Variants in LMNA observed in about 807,000 individuals in gnomAD.
LMNA encodes lamin.
A neutral mutation model predicts 70.4 loss-of-function variants in LMNA; 20 were observed. The ratio of observed to expected loss-of-function variants is 0.28; its 90% CI spans 0.20 to 0.41. The LOEUF (loss-of-function observed/expected upper bound fraction) is 0.41, where lower values mean the gene tolerates loss of function less well. Ranked by LOEUF, LMNA falls within the 10% of genes least tolerant of loss-of-function variation. The probability of loss-of-function intolerance (pLI) is 1.00; values close to 1 mark genes in which losing one functional copy is unlikely to be tolerated. For synonymous variants in LMNA, 339 were observed against 372.8 expected (o/e 0.91, Z 1.04); for missense variants, 652 against 917.2 (o/e 0.71, Z 3.73).
upstream of LMNA, chr1:156,114,679 T>C: frequency 2.5e-6 from 1 of 406,500 alleles, no homozygotes; most frequent in Non-Finnish European, 4.4e-6. Flanking sequence ...GAGGAGGACC[T>C]ATTAGAGCCT....
chr1:156,084,772 C>G (rs536649035), intron 2 of LMNA, among the ~76,000 whole-genome samples: 1 of 152,350 alleles, frequency 6.6e-6, no homozygotes, highest in African/African-American at 2.4e-5. Context: ...GCTGGCTGAG[C>G]CTTCCTGTCC....
chr1:156,134,565 TGG>T lies in LMNA; in HGVS notation c.639+39_639+40del, dbSNP rs779105198. The T allele has an allele frequency of 6.2e-7, 1 of 1,612,808 alleles. No homozygotes were observed. Among genetic ancestry groups the T allele is most frequent in the Admixed American group, 1.7e-5 (1 of 60,016 alleles). On this transcript the variant is annotated intron_variant, in intron 3 of 11. Transcript: ENST00000368300. The surrounding 1 kb of genome is among the most constrained non-coding windows in gnomAD (Gnocchi z 5.3). ...GCTTTGCAAGCCAGAGGGCTGGGGC[TGG>T]GTGATGACAGACTTGGGCTGGGCTA...
chr1:156,088,991 A>G (rs1445170736), intron 2 of LMNA, among the ~76,000 whole-genome samples: 3 of 152,032 alleles, frequency 2.0e-5, no homozygotes, highest in Non-Finnish European at 4.4e-5. Context: ...TTGTTTGTTT[A>G]TTTTGAGCCA....
upstream of LMNA, among the ~76,000 whole-genome samples, chr1:156,111,590 T>G (rs1418399574): frequency 1.3e-5 from 2 of 152,230 alleles, no homozygotes; most frequent in African/African-American, 4.8e-5. Context: ...TGCTCTTTAA[T>G]CATTTGTGCT....
chr1:156,104,646 A>G (rs1649258951), intron 3 of LMNA, among the ~76,000 whole-genome samples: 1 of 151,676 alleles, frequency 6.6e-6, no homozygotes, highest in African/African-American at 2.4e-5. Context: ...CCCACCCCCT[A>G]AGCCACACAG....
At chr1:156,116,319 A>G (rs1649823889) in intron 1 of LMNA, among the ~76,000 whole-genome samples, 1 of 152,008 alleles carries the variant, frequency 6.6e-6, no homozygotes, top group African/African-American at 2.4e-5. Flanking sequence ...GGCCACTCCC[A>G]CTTTACCCAC....
At chr1:156,113,774 T>G (rs1411741772), upstream of LMNA, among the ~76,000 whole-genome samples, 1 of 152,186 alleles carries the variant, frequency 6.6e-6, no homozygotes, top group Non-Finnish European at 1.5e-5. Flanking sequence ...AATGAATGCA[T>G]GCACAGCTCT....
rs748768783 is a variant in LMNA at position 156,137,704 on chromosome 1, C to A, written c.1659C>A (p.Asp553Glu). 1 of 1,555,726 alleles carries A rather than the reference C, an allele frequency of 6.4e-7. No homozygotes were observed. The highest frequency in any genetic ancestry group is 1.4e-5 in the African/African-American group (1 of 73,704). The part of the protein sequence containing the change: ...LVRSVTVVED[D>E]EDEDGDDLLH... ...GCTCAGTGACTGTGGTTGAGGACGA[C>A]GAGGATGAGGATGGAGATGACCTGC... Residue 553 changes from aspartate (D) to glutamate (E), a missense_variant, in exon 10 of 12, where the codon GAC (aspartate) becomes GAA (glutamate). Around this residue, in one of 4 missense-constraint regions of LMNA, gnomAD observed 327 missense variants for 387.6 expected, o/e 0.84. Transcript: ENST00000368300. The surrounding 1 kb of genome is among the most constrained non-coding windows in gnomAD (Gnocchi z 4.6).
At chr1:156,082,659 T>C (rs1648300791) in exon 1 of LMNA, 1 of 152,146 alleles carries the variant, frequency 6.6e-6, no homozygotes, top group Non-Finnish European at 1.5e-5. Flanking sequence ...GGGATGGAAG[T>C]CGAGGTCCCT....
chr1:156,087,403 C>T (rs1337669671), intron 2 of LMNA, among the ~76,000 whole-genome samples: 8 of 151,880 alleles, frequency 5.3e-5, no homozygotes, highest in African/African-American at 7.3e-5. Flanking sequence ...CCACCACGCC[C>T]GGCTAATTTT....
In LMNA at chr1:156,138,952, G is replaced by A; in HGVS notation, c.1969-128G>A. 7.7e-7 allele frequency: 1 copy of A among 1,297,838 alleles called. No individual in the cohort carries two copies. Among genetic ancestry groups the A allele is most frequent in the Non-Finnish European group, 1.1e-6 (1 of 898,736 alleles). The allele number at this position is 1,297,838 out of a possible 1,614,324, so 80.4% of individuals were successfully genotyped here. A position where few individuals can be genotyped will look rare whatever the true frequency, so the allele number is the denominator to read the frequency against. The stretch of plus-strand genomic sequence containing the variant: ...GCCCCTCTTGTCTGAGCCCCAGACT[G>A]GAGGGCAGGGGCAGGGCTGGAGTGT... On this transcript the variant is annotated intron_variant, in intron 11 of 11. Transcript: ENST00000368300. This position sits in a 1 kb window ranked among gnomAD's most constrained non-coding sequence, Gnocchi z 5.5.
rs781763410 is a variant in LMNA at position 156,137,226 on chromosome 1, T to C, written c.1602T>C (p.Thr534=). The C allele has an allele frequency of 1.9e-6, 3 of 1,583,238 alleles. No homozygotes were observed. The South Asian group carries it at 3.4e-5, about 18-fold the overall frequency. ...TGCGTACGGCTCTCATCAACTCCACTGGGGAAGTAAGTAGGCCTGGGCCTG... is the reference window on the plus strand; with the variant it reads ...TGCGTACGGCTCTCATCAACTCCACCGGGGAAGTAAGTAGGCCTGGGCCTG... ...NSLRTALINS[T]GEEVAMRKLV... The change falls in exon 9 of 12, where the codon ACT becomes ACC. Residue 534 remains threonine (T), a synonymous_variant. Coordinates refer to ENST00000368300, the MANE Select transcript of LMNA (RefSeq NM_170707.4). The surrounding 1 kb of genome is among the most constrained non-coding windows in gnomAD (Gnocchi z 4.6).
chr1:156,136,270 A>G lies in LMNA; in HGVS notation c.1214A>G (p.His405Arg), dbSNP rs758278487. The change falls in exon 7 of 12, where the codon CAC (histidine) becomes CGC (arginine). Residue 405 changes from histidine (H) to arginine (R), a missense_variant. Physicochemically the swap from His to Arg is conservative, Grantham distance 29. Transcript: ENST00000368300. The surrounding 1 kb of genome is among the most constrained non-coding windows in gnomAD (Gnocchi z 6.1). ...SQRSRGRASS[H>R]SSQTQGGGSV... ...CGCAGCCGTGGCCGTGCTTCCTCTC[A>G]CTCATCCCAGACACAGGGTGGGGGC... 1 of 1,611,810 alleles carries G rather than the reference A, an allele frequency of 6.2e-7. No homozygotes were observed.
upstream of LMNA, among the ~76,000 whole-genome samples, chr1:156,113,555 A>C (rs1649620034): frequency 6.6e-6 from 1 of 152,130 alleles, no homozygotes; most frequent in Admixed American, 6.5e-5. Context: ...AGGAAAGTAG[A>C]GATGAGTATG....
rs1165668449 is a variant in LMNA at position 156,100,715 on chromosome 1, T to C, written c.-207+10133T>C. Among the ~76,000 whole-genome samples the C allele has an allele frequency of 2.6e-5, 4 of 152,024 alleles. No homozygotes were observed. The East Asian group carries it at 5.8e-4, about 22-fold the overall frequency. ...GAGTAGAGCACATCGAGGTTGCTGG[T>C]TGGTGAGGGGGCTATGATGAGGATA... On this transcript the variant is annotated intron_variant, in intron 3 of 12. Coordinates refer to the LMNA transcript ENST00000368301.
In LMNA at chr1:156,136,172, A is replaced by G. The variant is rs759588071; in HGVS notation, c.1158-42A>G. ...TGCTGGCAGTGTCCTCTGGCCGGCA[A>G]CTGGCCTTGACTAGACCCCCACTTG... On this transcript the variant is annotated intron_variant, in intron 6 of 11. Transcript: ENST00000368300. The surrounding 1 kb of genome is among the most constrained non-coding windows in gnomAD (Gnocchi z 6.1). 6 of 1,612,532 alleles carry G rather than the reference A, an allele frequency of 3.7e-6. No homozygotes were observed. The highest frequency in any genetic ancestry group is 4.5e-5 in the East Asian group (2 of 44,882).
chr1:156,125,644 G>A (rs1011072270), intron 1 of LMNA, among the ~76,000 whole-genome samples: 61 of 152,080 alleles, frequency 4.0e-4, no homozygotes, highest in African/African-American at 1.4e-3. Context: ...AGCCGAGATC[G>A]CGCCACTCTA....
At chr1:156,125,646 G>A (rs966939737) in intron 1 of LMNA, among the ~76,000 whole-genome samples, 43 of 151,758 alleles carry the variant, frequency 2.8e-4, no homozygotes, top group Admixed American at 1.8e-3. Flanking sequence ...CCGAGATCGC[G>A]CCACTCTACT....
upstream of LMNA, chr1:156,109,818 G>GTGTGTGTATATATA (rs1553261281): frequency 2.3e-5 from 3 of 131,722 alleles, no homozygotes; most frequent in African/African-American, 8.2e-5. Flanking sequence ...GTGTGTGTGT[G>GTGTGTGTATATATA]CATATATATA....
Sources: gnomAD v4.1 joint callset for allele counts (sites outside exome capture counted in the v4.1 genomes callset) on GRCh38, gnomAD v4.1.1 for gene constraint, gnomAD v4.1.1 regional missense constraint, Gnocchi (gnomAD v3.1) non-coding constraint, MANE v1.5 for transcripts, NCBI Gene and HGNC (gene_info 2026-07-23, HGNC 2026-07-21) for gene names.